The following PRSS35 variants were observed in gnomAD, a reference collection of about 807,000 sequenced individuals.
PRSS35 encodes inactive serine protease 35.
A neutral mutation model predicts 8.1 loss-of-function variants in PRSS35; 7 were observed. That is an observed-to-expected ratio of 0.86 (90% confidence interval 0.49 to 1.62). The LOEUF (loss-of-function observed/expected upper bound fraction) is 1.62. Ranked by LOEUF, PRSS35 falls within the 40% of genes most tolerant of loss-of-function variation. PRSS35 has a pLI of 0.00. For synonymous variants in PRSS35, 199 were observed against 188.7 expected, an observed-to-expected ratio of 1.05 and a Z score of -0.45; for missense variants, 566 against 518.0, an observed-to-expected ratio of 1.09 and a Z score of -0.90.
intron 1 of PRSS35, among the ~76,000 whole-genome samples, chr6:83,516,915 C>T (rs1258894046): frequency 1.3e-5 from 2 of 152,128 alleles, no homozygotes; most frequent in African/African-American, 2.4e-5. Context: ...TTAATGTAAT[C>T]GTATTTGTAA....
intron 1 of PRSS35, among the ~76,000 whole-genome samples, chr6:83,521,327 T>G (rs2127713538): frequency 6.6e-6 from 1 of 152,146 alleles, no homozygotes; most frequent in South Asian, 2.1e-4. Flanking sequence ...TTAAATAAAC[T>G]TGATGAAATA....
At chr6:83,519,319 CT>C (rs1259794543) in intron 1 of PRSS35, among the ~76,000 whole-genome samples, 2 of 152,196 alleles carry the variant, frequency 1.3e-5, no homozygotes, top group African/African-American at 2.4e-5. Flanking sequence ...ATCACTGCAA[CT>C]TTGCTTTCAT....
At position 83,523,560 on chromosome 6, in the gene PRSS35, A is replaced by G. The variant is rs1771862025; in HGVS notation, c.119A>G (p.Glu40Gly). Residue 40 changes from glutamate (E) to glycine (G), a missense_variant, in exon 2 of 2, where the codon GAA becomes GGA. Physicochemically the swap from Glu to Gly is moderately conservative, Grantham distance 98. Coordinates refer to ENST00000369700, the MANE Select transcript of PRSS35 (RefSeq NM_153362.3). ...HLRKVPRIVS[E>G]RTFHLTSPAF... ...AGAAAGGTACCCCGGATTGTCAGTG[A>G]AAGGACTTTCCATCTCACCAGCCCC... The G allele has an allele frequency of 6.2e-7, 1 of 1,614,186 alleles. No homozygotes were observed. The highest frequency in any genetic ancestry group is 1.3e-5 in the African/African-American group (1 of 75,034).
At chr6:83,514,996 CTGAG>C (rs755953553) in intron 1 of PRSS35, among the ~76,000 whole-genome samples, 2 of 152,204 alleles carry the variant, frequency 1.3e-5, no homozygotes, top group Non-Finnish European at 2.9e-5. Context: ...TATTTCACAG[CTGAG>C]TAAGTGTAAA....
chr6:83,514,260 A>T (rs185390526), intron 1 of PRSS35, among the ~76,000 whole-genome samples: 88 of 152,344 alleles, frequency 5.8e-4, no homozygotes, highest in African/African-American at 2.0e-3. Context: ...AAGGCAGCAT[A>T]TGAAAGAGTC....
intron 1 of PRSS35, among the ~76,000 whole-genome samples, chr6:83,515,937 C>T (rs922796917): frequency 3.3e-5 from 5 of 152,134 alleles, no homozygotes; most frequent in Non-Finnish European, 5.9e-5. Flanking sequence ...GCCTCAGCCT[C>T]CCCAGTAGCT....
In PRSS35 at chr6:83,524,349, C is replaced by T; in HGVS notation, c.908C>T (p.Pro303Leu). ...LGISPTIKKM[P>L]GGMIHFSGFD... Reference sequence around the variant, plus strand: ...ATCAGCCCAACGATCAAGAAAATGCCTGGTGGAATGATCCACTTCTCAGGA... The same window carrying T: ...ATCAGCCCAACGATCAAGAAAATGCTTGGTGGAATGATCCACTTCTCAGGA... The change falls in exon 2 of 2, where the codon CCT (proline) becomes CTT (leucine). Residue 303 changes from proline to leucine, a missense_variant. By Grantham distance (98) the Pro-to-Leu change is moderately conservative. Transcript: ENST00000369700. 1 of 1,614,124 alleles carries T rather than the reference C, an allele frequency of 6.2e-7. No individual in the cohort carries two copies.
chr6:83,522,490 A>G (rs1771840369), intron 1 of PRSS35, among the ~76,000 whole-genome samples: 1 of 152,170 alleles, frequency 6.6e-6, no homozygotes, highest in Admixed American at 6.5e-5. Context: ...TTTAAATAAC[A>G]CAAGAACACT....
chr6:83,521,013 T>C (rs1245386965), intron 1 of PRSS35, among the ~76,000 whole-genome samples: 1 of 152,198 alleles, frequency 6.6e-6, no homozygotes, highest in Non-Finnish European at 1.5e-5. Context: ...TGTAATCATA[T>C]ATTAAGTACA....
intron 1 of PRSS35, among the ~76,000 whole-genome samples, chr6:83,513,597 C>T (rs553916762): frequency 3.9e-5 from 6 of 152,242 alleles, no homozygotes; most frequent in African/African-American, 1.4e-4. Flanking sequence ...ATGTTAAAAT[C>T]CCTGCCAAAT....
At chr6:83,518,967 T>A in intron 1 of PRSS35, among the ~76,000 whole-genome samples, 1 of 152,206 alleles carries the variant, frequency 6.6e-6, no homozygotes, top group East Asian at 1.9e-4. Flanking sequence ...TCATAAGTGG[T>A]GAAAAGGGAA....
intron 1 of PRSS35, among the ~76,000 whole-genome samples, chr6:83,515,514 G>GTTTTA (rs1771696846): frequency 8.9e-6 from 1 of 112,310 alleles, no homozygotes; most frequent in Non-Finnish European, 1.9e-5. Flanking sequence ...TGTTTGCTTT[G>GTTTTA]AGACAGGGTT....
intron 1 of PRSS35, among the ~76,000 whole-genome samples, chr6:83,521,536 G>T (rs1771822295): frequency 6.8e-6 from 1 of 146,980 alleles, no homozygotes; most frequent in Non-Finnish European, 1.5e-5. Context: ...CTTCGACAGG[G>T]TCTCACTTTG....
chr6:83,519,201 C>G (rs974843355), intron 1 of PRSS35, among the ~76,000 whole-genome samples: 1 of 152,216 alleles, frequency 6.6e-6, no homozygotes, highest in Non-Finnish European at 1.5e-5. Context: ...AGTTCATCTA[C>G]ATACACAGAT....
intron 1 of PRSS35, among the ~76,000 whole-genome samples, chr6:83,515,926 T>G (rs1186359292): frequency 6.6e-6 from 1 of 152,128 alleles, no homozygotes. Flanking sequence ...GGGATTCTCC[T>G]GCCTCAGCCT....
intron 1 of PRSS35, among the ~76,000 whole-genome samples, chr6:83,518,700 G>A (rs1280235450): frequency 6.6e-6 from 1 of 152,084 alleles, no homozygotes; most frequent in African/African-American, 2.4e-5. Flanking sequence ...AAAACTACAA[G>A]ATCTCTAATT....
At chr6:83,515,497 T>TTTG (rs1771695988) in intron 1 of PRSS35, among the ~76,000 whole-genome samples, 1 of 151,200 alleles carries the variant, frequency 6.6e-6, no homozygotes, top group Non-Finnish European at 1.5e-5. Context: ...TTTCTACTGT[T>TTTG]TTTGTTTGTT....
At position 83,524,016 on chromosome 6, in the gene PRSS35, G is replaced by A. The variant is rs1196920196; in HGVS notation, c.575G>A (p.Arg192Lys). Residue 192 changes from arginine (R) to lysine (K), a missense_variant, in exon 2 of 2, where the codon AGG (arginine) becomes AAG (lysine). Arg to Lys is a conservative substitution (Grantham distance 26). Transcript: ENST00000369700. ...CTAAGGGTAGGGTTGTTGAAGATGA[G>A]GAATAAAAGTGGAGGCAAGAAACGT... ...KKLRVGLLKM[R>K]NKSGGKKRRG... The A allele has an allele frequency of 2.5e-6, 4 of 1,614,018 alleles. No individual in the cohort carries two copies. The highest frequency in any genetic ancestry group is 2.5e-6 in the Non-Finnish European group (3 of 1,180,038).
At position 83,525,235 on chromosome 6, in the gene PRSS35, T is replaced by C. The variant is rs958206944; in HGVS notation, c.*552T>C. Reference sequence around the variant, plus strand: ...GTCTGGGACATTTAGTTTAGTTTTTTTGAAGAATTACAAATCAGAAGAAAA... The same window carrying C: ...GTCTGGGACATTTAGTTTAGTTTTTCTGAAGAATTACAAATCAGAAGAAAA... On this transcript the variant is annotated 3_prime_UTR_variant, in exon 2 of 2. Coordinates refer to ENST00000369700, the MANE Select transcript of PRSS35 (RefSeq NM_153362.3). The C allele has an allele frequency of 3.0e-5, 5 of 167,008 alleles. No homozygotes were observed. Among genetic ancestry groups the C allele is most frequent in the African/African-American group, 1.2e-4 (5 of 41,454 alleles). The allele number at this position is 167,008 out of a possible 1,614,324, so 10.3% of individuals were successfully genotyped here.
Sources: gnomAD v4.1 joint callset for allele counts (sites outside exome capture counted in the v4.1 genomes callset) on GRCh38, gnomAD v4.1.1 for gene constraint, MANE v1.5 for transcripts, NCBI Gene and HGNC (gene_info 2026-07-23, HGNC 2026-07-21) for gene names.